The following KNTC1 variants were observed in gnomAD, a reference collection of about 807,000 sequenced individuals.
KNTC1 encodes kinetochore-associated protein 1.
KNTC1 carries 253 observed loss-of-function variants against 314.4 expected under a neutral mutation model. The ratio of observed to expected loss-of-function variants is 0.80; its 90% CI spans 0.73 to 0.89. The LOEUF (loss-of-function observed/expected upper bound fraction) is 0.89, where lower values mean the gene tolerates loss of function less well. Ranked by LOEUF, KNTC1 falls within the 40% of genes least tolerant of loss-of-function variation. KNTC1 has a pLI of 0.00. For missense variants in KNTC1, 2,475 were observed against 2,572.9 expected, an observed-to-expected ratio of 0.96 and a Z score of 0.82; for synonymous variants, 901 against 901.4, an observed-to-expected ratio of 1.00 and a Z score of 0.01.
chr12:122,596,372 C>T (rs1264429453), intron 43 of KNTC1, among the ~76,000 whole-genome samples: 1 of 151,852 alleles, frequency 6.6e-6, no homozygotes, highest in African/African-American at 2.4e-5. Flanking sequence ...CGTGAGCCAC[C>T]ATGCCTGGCC....
At chr12:122,582,144 C>T (rs1868495521) in intron 33 of KNTC1, among the ~76,000 whole-genome samples, 1 of 152,156 alleles carries the variant, frequency 6.6e-6, no homozygotes, top group South Asian at 2.1e-4. Flanking sequence ...AGGCCGGGTA[C>T]AGTGGTTCAT....
chr12:122,591,099 GATAACTAAA>G, intron 41 of KNTC1, among the ~76,000 whole-genome samples: 1 of 152,062 alleles, frequency 6.6e-6, no homozygotes, highest in Admixed American at 6.6e-5. Flanking sequence ...TTTCTTGCAA[GATAACTAAA>G]ATTTGGCCTT....
intron 62 of KNTC1, among the ~76,000 whole-genome samples, chr12:122,623,329 G>C (rs1302419005): frequency 6.6e-6 from 1 of 152,198 alleles, no homozygotes; most frequent in Admixed American, 6.5e-5. Context: ...CTGAACGGGA[G>C]AAGGAAGAAG....
intron 2 of KNTC1, among the ~76,000 whole-genome samples, chr12:122,531,692 A>T (rs1180784383): frequency 6.6e-6 from 1 of 152,128 alleles, no homozygotes; most frequent in Non-Finnish European, 1.5e-5. Context: ...GACATCTGAA[A>T]GCACAGTTTC....
At chr12:122,584,545 A>T in intron 35 of KNTC1, 95 bp downstream of exon 35, 1 of 847,654 alleles carries the variant, frequency 1.2e-6, no homozygotes, top group Non-Finnish European at 1.8e-6. Flanking sequence ...ACATCACGGT[A>T]ATCAGACTAG....
At chr12:122,591,481 G>T in intron 42 of KNTC1, 28 bp downstream of exon 42, 1 of 1,119,580 alleles carries the variant, frequency 8.9e-7, no homozygotes, top group South Asian at 1.3e-5. Flanking sequence ...TGCTGTCATC[G>T]ATTCTGTTAA....
intron 57 of KNTC1, 101 bp from the exon 58 acceptor site, chr12:122,618,242 G>A (rs1873980770): frequency 1.6e-5 from 15 of 964,400 alleles, no homozygotes; most frequent in Non-Finnish European, 2.3e-5. Context: ...AAAGTGCTGG[G>A]ATTATAGGTG....
At chr12:122,616,036 T>C (rs1464492956) in intron 57 of KNTC1, among the ~76,000 whole-genome samples, 1 of 152,198 alleles carries the variant, frequency 6.6e-6, no homozygotes, top group Non-Finnish European at 1.5e-5. Flanking sequence ...AGATCTTTCA[T>C]GTCAGATACC....
chr12:122,580,551 GATA>G (rs1965342261), intron 32 of KNTC1, 49 bp from the exon 33 acceptor site: 1 of 1,114,706 alleles, frequency 9.0e-7, no homozygotes, highest in Admixed American at 2.3e-5. Flanking sequence ...TTAAAATTCT[GATA>G]ATATGAGAAT....
intron 44 of KNTC1, 149 bp downstream of exon 44, chr12:122,598,087 C>T (rs1485519632): frequency 1.5e-6 from 1 of 668,652 alleles, no homozygotes; most frequent in East Asian, 2.8e-5. Context: ...ATTTTTAACA[C>T]AGTTAAATAC....
Position 122,585,747 on chromosome 12 carries a change from C to G in KNTC1, c.3646C>G (p.Leu1216Val). 4.3e-6 allele frequency: 7 copies of G among 1,613,726 alleles called. No homozygotes were observed. Among genetic ancestry groups the G allele is most frequent in the Non-Finnish European group, 5.9e-6 (7 of 1,179,690 alleles). ...SQMVLPVIYE[L>V]ISSLVPLAES... ...GATGGTGCTTCCAGTGATTTATGAA[C>G]TGATTTCATCTCTTGTGCCTCTAGC... is the stretch of plus-strand genomic sequence containing the variant. The change falls in exon 37 of 64, where the codon CTG becomes GTG. Residue 1216 changes from leucine (L) to valine (V), a missense_variant. By Grantham distance (32) the Leu-to-Val change is conservative. Coordinates refer to ENST00000333479, the MANE Select transcript of KNTC1 (RefSeq NM_014708.6).
chr12:122,581,765 G>A (rs1239340976), intron 33 of KNTC1, among the ~76,000 whole-genome samples: 1 of 152,196 alleles, frequency 6.6e-6, no homozygotes, highest in African/African-American at 2.4e-5. Flanking sequence ...AAAATACTGG[G>A]ATTATAGGTG....
rs559689541 is a variant in KNTC1 at position 122,613,541 on chromosome 12, G to A, written c.5742-85G>A. 1.4e-4 allele frequency: 179 copies of A among 1,281,306 alleles called. 1 individual carries two copies. The South Asian group carries it at 2.8e-3, about 20-fold the overall frequency. The allele number at this position is 1,281,306 out of a possible 1,614,324, so 79.4% of individuals were successfully genotyped here. A position where few individuals can be genotyped will look rare whatever the true frequency, so the allele number is the denominator to read the frequency against. On this transcript the variant is annotated intron_variant, in intron 54 of 63. Transcript: ENST00000333479. ...CAAAATGGACATTTAAAACAAACTG[G>A]CCTAATATTTCCATATGGTAGTTTT...
rs780990127 is a variant in KNTC1, at chr12:122,603,095, C to G, written c.4953C>G (p.Leu1651=). Residue 1651 remains leucine, a synonymous_variant, in exon 48 of 64, where the codon CTC becomes CTG. Transcript: ENST00000333479. ...TCGAAAAAAAACTGAAGCCAAAGCTCCTGAAGTTAACACAAGCTAAATCCT... is the reference window on the plus strand; with the variant it reads ...TCGAAAAAAAACTGAAGCCAAAGCTGCTGAAGTTAACACAAGCTAAATCCT... The part of the protein sequence containing the change: ...HVFEKKLKPK[L]LKLTQAKSST... 6.2e-7 allele frequency: 1 copy of G among 1,613,694 alleles called. No individual in the cohort carries two copies. The highest frequency in any genetic ancestry group is 1.1e-5 in the South Asian group (1 of 91,070).
chr12:122,590,204 T>C (rs1294239931), intron 40 of KNTC1, among the ~76,000 whole-genome samples: 1 of 152,136 alleles, frequency 6.6e-6, no homozygotes, highest in Non-Finnish European at 1.5e-5. Flanking sequence ...TCTATTTTTC[T>C]ATTTATATAT....
At position 122,572,958 on chromosome 12, in the gene KNTC1, G is replaced by A. The variant is rs754835336; in HGVS notation, c.2041G>A (p.Glu681Lys). ...TTAGAAAGATTATCAGAACACAGAGGAAGTATGTCAGCTAAGGACTTTGGT... is the reference window on the plus strand; with the variant it reads ...TTAGAAAGATTATCAGAACACAGAGAAAGTATGTCAGCTAAGGACTTTGGT... ...ISLKDYQNTE[E>K]VCQLRTLVNN... Residue 681 changes from glutamate (E) to lysine (K), a missense_variant, in exon 25 of 64, where the codon GAA becomes AAA. By Grantham distance (56) the Glu-to-Lys change is moderately conservative (BLOSUM62 1). Coordinates refer to ENST00000333479, the MANE Select transcript of KNTC1 (RefSeq NM_014708.6). 6.3e-7 allele frequency: 1 copy of A among 1,593,226 alleles called. No individual in the cohort carries two copies. The highest frequency in any genetic ancestry group is 8.6e-7 in the Non-Finnish European group (1 of 1,165,848).
chr12:122,626,327 T>C lies in KNTC1; in HGVS notation c.*99T>C. On this transcript the variant is annotated 3_prime_UTR_variant, in exon 64 of 64. Transcript: ENST00000333479. Reference sequence around the variant, plus strand: ...TTTAAATTGTACAATCTCTGTATTATAGCTATTTGTCTAACATTACCCCAC... The same window carrying C: ...TTTAAATTGTACAATCTCTGTATTACAGCTATTTGTCTAACATTACCCCAC... The C allele has an allele frequency of 1.2e-6, 1 of 820,674 alleles. No homozygotes were observed. Among genetic ancestry groups the C allele is most frequent in the Non-Finnish European group, 2.0e-6 (1 of 497,894 alleles). The allele number at this position is 820,674 out of a possible 1,614,324, so 50.8% of individuals were successfully genotyped here. A position where few individuals can be genotyped will look rare whatever the true frequency, so the allele number is the denominator to read the frequency against.
intron 21 of KNTC1, among the ~76,000 whole-genome samples, chr12:122,568,836 A>G (rs1396690644): frequency 6.8e-6 from 1 of 147,340 alleles, no homozygotes; most frequent in Non-Finnish European, 1.5e-5. Flanking sequence ...ACTCCGTCCC[A>G]AAAAAAAGAA....
chr12:122,555,773 C>T (rs532173674), intron 16 of KNTC1, among the ~76,000 whole-genome samples: 78 of 150,348 alleles, frequency 5.2e-4, no homozygotes, highest in Admixed American at 2.7e-3. Context: ...CGCTTGAACC[C>T]GGGAGGCAGA....
Sources: allele counts gnomAD v4.1 joint callset (sites outside exome capture counted in the v4.1 genomes callset), GRCh38; gene constraint gnomAD v4.1.1; transcripts MANE v1.5; gene names NCBI Gene and HGNC (gene_info 2026-07-23, HGNC 2026-07-21).